KANSL1: variants seen among roughly 807,000 people sequenced by gnomAD.
KANSL1 encodes KAT8 regulatory NSL complex subunit 1.
In KANSL1, 22 loss-of-function variants were observed where a neutral mutation model predicts 103.6. The observed-to-expected ratio is 0.21, with a 90% confidence interval of 0.15 to 0.30. The LOEUF (loss-of-function observed/expected upper bound fraction) is 0.30. Among genes scored for constraint, KANSL1 ranks in the 10% least tolerant of loss-of-function variants. KANSL1 has a pLI of 1.00. For missense variants in KANSL1, 1,337 were observed against 1,399.8 expected (o/e 0.96, Z 0.72); for synonymous variants, 600 against 527.6 (o/e 1.14, Z -1.88).
intron 2 of KANSL1, chr17:46,153,032 A>G (rs567207351): frequency 6.6e-6 from 1 of 152,334 alleles, no homozygotes; most frequent in African/African-American, 2.4e-5. Flanking sequence ...TTAAAGCAGT[A>G]TTTTTTAAAA....
At position 46,082,658 on chromosome 17, in the gene KANSL1, C is replaced by T. The variant is rs544888520; in HGVS notation, c.1432-116G>A. On this transcript the variant is annotated intron_variant, in intron 3 of 14. Transcript: ENST00000432791. ...TACTAGAGGCCCCCTCTTCCTCACC[C>T]TATGGTTCAGAAACAAACTACAGCA... is the stretch of plus-strand genomic sequence containing the variant. 5.6e-6 allele frequency: 3 copies of T among 532,900 alleles called. No individual in the cohort carries two copies. The African/African-American group carries it at 5.8e-5, about 10-fold the overall frequency. 33.0% of individuals were successfully genotyped at this position (532,900 alleles called of 1,614,324 possible).
intron 6 of KANSL1, among the ~76,000 whole-genome samples, chr17:46,057,347 A>G (rs1043275183): frequency 1.3e-5 from 2 of 152,190 alleles, no homozygotes; most frequent in African/African-American, 4.8e-5. Context: ...GAAAATTGGT[A>G]AATAAAAAAA....
At chr17:46,094,846 C>A (rs2041994736) in intron 2 of KANSL1, 145 bp from the exon 3 acceptor site, 3 of 900,964 alleles carry the variant, frequency 3.3e-6, no homozygotes, top group East Asian at 5.3e-5. Context: ...AGACAAGACA[C>A]CTCCCGCTCA....
At chr17:46,062,595 G>C (rs1380423547) in intron 6 of KANSL1, among the ~76,000 whole-genome samples, 1 of 151,484 alleles carries the variant, frequency 6.6e-6, no homozygotes, top group African/African-American at 2.4e-5. Context: ...CTGACCTCAT[G>C]ATCTGCCCCA....
At chr17:46,094,409 TA>T (rs2079534708) in intron 3 of KANSL1, 150 bp downstream of exon 3, 1 of 982,428 alleles carries the variant, frequency 1.0e-6, no homozygotes, top group Non-Finnish European at 1.5e-6. Context: ...ATCAGGTTCT[TA>T]AATTAAACCA....
intron 2 of KANSL1, among the ~76,000 whole-genome samples, chr17:46,108,200 A>C (rs956771033): frequency 1.3e-5 from 2 of 152,184 alleles, no homozygotes; most frequent in Non-Finnish European, 2.9e-5. Flanking sequence ...GTAAGGCCTC[A>C]AACAGAGAGC....
At chr17:46,170,101 T>C (rs2046203945) in intron 2 of KANSL1, among the ~76,000 whole-genome samples, 1 of 152,170 alleles carries the variant, frequency 6.6e-6, no homozygotes, top group Non-Finnish European at 1.5e-5. Flanking sequence ...GAGATCGCAC[T>C]ACTGCACTCC....
intron 1 of KANSL1, among the ~76,000 whole-genome samples, chr17:46,180,259 G>T (rs2046721123): frequency 6.6e-6 from 1 of 152,080 alleles, no homozygotes; most frequent in Non-Finnish European, 1.5e-5. Context: ...ACTTTGGGAG[G>T]CTGAGGCGGG....
At chr17:46,166,943 T>A in intron 2 of KANSL1, among the ~76,000 whole-genome samples, 1 of 151,252 alleles carries the variant, frequency 6.6e-6, no homozygotes, top group Non-Finnish European at 1.5e-5. Context: ...GTAATCACAA[T>A]GAAATGTTTT....
intron 1 of KANSL1, among the ~76,000 whole-genome samples, chr17:46,219,155 T>C (rs566254001): frequency 1.4e-4 from 21 of 151,718 alleles, no homozygotes; most frequent in African/African-American, 4.8e-4. Context: ...TCCCAGCTAC[T>C]TGGGAGGCTG....
At chr17:46,170,694 C>G in intron 2 of KANSL1, 161 bp downstream of exon 2, 1 of 757,966 alleles carries the variant, frequency 1.3e-6, no homozygotes, top group Admixed American at 2.6e-5. Context: ...CCCTTCTTCA[C>G]TAGCATGTAT....
intron 6 of KANSL1, among the ~76,000 whole-genome samples, chr17:46,065,231 A>C (rs2078334982): frequency 6.6e-6 from 1 of 151,998 alleles, no homozygotes; most frequent in Non-Finnish European, 1.5e-5. Context: ...AGCCTCCCAA[A>C]GTGCCAGGAT....
chr17:46,219,453 C>T (rs1203572301), intron 1 of KANSL1, among the ~76,000 whole-genome samples: 1 of 152,206 alleles, frequency 6.6e-6, no homozygotes, highest in African/African-American at 2.4e-5. Context: ...ACCTCCACCT[C>T]CCAGGCTCGA....
At chr17:46,080,507 C>CA (rs142155937) in intron 4 of KANSL1, among the ~76,000 whole-genome samples, 1 of 151,038 alleles carries the variant, frequency 6.6e-6, no homozygotes, top group East Asian at 1.9e-4. Flanking sequence ...CAAAACAAAA[C>CA]AAAAAAACCT....
At chr17:46,050,460 T>C in intron 7 of KANSL1, 73 bp downstream of exon 7, 1 of 1,449,072 alleles carries the variant, frequency 6.9e-7, no homozygotes, top group Non-Finnish European at 9.4e-7. Context: ...AACTGCACCT[T>C]GGCTGATTTT....
At chr17:46,077,194 G>A (rs2078807939) in intron 4 of KANSL1, among the ~76,000 whole-genome samples, 1 of 152,104 alleles carries the variant, frequency 6.6e-6, no homozygotes, top group Admixed American at 6.5e-5. Flanking sequence ...GAGGACTACA[G>A]GTGCACGCCC....
chr17:46,132,904 C>A (rs916296632), intron 2 of KANSL1, among the ~76,000 whole-genome samples: 1 of 125,396 alleles, frequency 8.0e-6, no homozygotes, highest in Non-Finnish European at 2.0e-5. Context: ...CATCATACCA[C>A]TGGACTTCCA....
intron 2 of KANSL1, among the ~76,000 whole-genome samples, chr17:46,102,492 C>T (rs1170194318): frequency 6.6e-6 from 1 of 152,114 alleles, no homozygotes; most frequent in African/African-American, 2.4e-5. Context: ...TCAAATGATC[C>T]GTCTGCCTCA....
At chr17:46,140,597 G>A (rs1022482707) in intron 2 of KANSL1, among the ~76,000 whole-genome samples, 3 of 151,544 alleles carry the variant, frequency 2.0e-5, no homozygotes, top group Non-Finnish European at 4.4e-5. Context: ...AAGAAAATGA[G>A]AATACAATCC....
Sources: gnomAD v4.1 joint callset for allele counts (sites outside exome capture counted in the v4.1 genomes callset) on GRCh38, gnomAD v4.1.1 for gene constraint, MANE v1.5 for transcripts, NCBI Gene and HGNC (gene_info 2026-07-23, HGNC 2026-07-21) for gene names.